CADM2: variants seen among roughly 807,000 people sequenced by gnomAD.
CADM2 encodes cell adhesion molecule 2.
In CADM2, 12 loss-of-function variants were observed where a neutral mutation model predicts 49.8. That is an observed-to-expected ratio of 0.24 (90% CI 0.15 to 0.39). CADM2 has a LOEUF of 0.39. Ranked by LOEUF, CADM2 falls within the 10% of genes least tolerant of loss-of-function variation. The pLI, the probability that CADM2 is intolerant of heterozygous loss-of-function variation, is 1.00. For synonymous variants in CADM2, 214 were observed against 175.4 expected, an observed-to-expected ratio of 1.22 and a Z score of -1.74; for missense variants, 378 against 492.3, an observed-to-expected ratio of 0.77 and a Z score of 2.20.
intron 1 of CADM2, among the ~76,000 whole-genome samples, chr3:85,642,904 C>A (rs2064764807): frequency 6.6e-6 from 1 of 152,282 alleles, no homozygotes; most frequent in South Asian, 2.1e-4. Flanking sequence ...AAAACCAACT[C>A]ATCTGCCTCA....
intron 1 of CADM2, among the ~76,000 whole-genome samples, chr3:85,475,222 A>T (rs1283925725): frequency 6.6e-6 from 1 of 151,924 alleles, no homozygotes; most frequent in Non-Finnish European, 1.5e-5. Flanking sequence ...TACAAATTAG[A>T]TAATTGAGGT....
intron 1 of CADM2, among the ~76,000 whole-genome samples, chr3:85,207,444 A>G (rs1052743170): frequency 6.6e-6 from 1 of 152,154 alleles, no homozygotes. Flanking sequence ...TTTTGCATAT[A>G]TATTTATAAT....
chr3:85,563,853 C>T (rs1420281452), intron 1 of CADM2, among the ~76,000 whole-genome samples: 1 of 152,056 alleles, frequency 6.6e-6, no homozygotes, highest in African/African-American at 2.4e-5. Context: ...AGTTGGGGAC[C>T]TCCCTGATTG....
intron 1 of CADM2, among the ~76,000 whole-genome samples, chr3:85,457,220 C>G (rs1180335302): frequency 6.6e-6 from 1 of 152,016 alleles, no homozygotes; most frequent in Non-Finnish European, 1.5e-5. Context: ...TGGTACCAGT[C>G]TGGGCAACAT....
intron 1 of CADM2, among the ~76,000 whole-genome samples, chr3:85,077,987 C>A (rs1256567071): frequency 6.6e-6 from 1 of 151,952 alleles, no homozygotes. Context: ...ATTAAAATAA[C>A]CTTTATAACT....
intron 8 of CADM2, among the ~76,000 whole-genome samples, chr3:85,962,492 T>C (rs565038896): frequency 3.6e-5 from 5 of 139,510 alleles, no homozygotes; most frequent in Non-Finnish European, 7.9e-5. Flanking sequence ...TGAGTAAATA[T>C]AACAAAATCA....
Position 85,188,751 on chromosome 3 carries a change from G to T in CADM2, c.61+229083G>T, listed in dbSNP as rs189832875. 8.9e-4 allele frequency among the ~76,000 whole-genome samples: 135 copies of T among 152,094 alleles called. No individual in the cohort carries two copies. In the East Asian group the frequency reaches 0.014, roughly 15 times the overall value. ...TAAGTACTTTAAAAATGAAGAGCAG[G>T]CCAGGCGCAGTGGCTCACACCTGTA... On this transcript the variant is annotated intron_variant, in intron 1 of 9. Coordinates refer to ENST00000383699, the MANE Select transcript of CADM2 (RefSeq NM_001167675.2).
At chr3:85,281,460 C>T (rs967412527) in intron 1 of CADM2, among the ~76,000 whole-genome samples, 3 of 151,992 alleles carry the variant, frequency 2.0e-5, no homozygotes, top group African/African-American at 7.2e-5. Context: ...AATATTATTT[C>T]AATTTTTTTA....
intron 1 of CADM2, among the ~76,000 whole-genome samples, chr3:85,245,001 C>T (rs1171645529): frequency 1.3e-5 from 2 of 152,078 alleles, no homozygotes; most frequent in African/African-American, 2.4e-5. Context: ...TACAGTATTA[C>T]TCTCAAGTCA....
intron 1 of CADM2, among the ~76,000 whole-genome samples, chr3:85,077,748 CTG>C (rs1396934057): frequency 6.6e-6 from 1 of 151,790 alleles, no homozygotes; most frequent in African/African-American, 2.4e-5. Flanking sequence ...TGACATAAAA[CTG>C]TATAAAGAAA....
At chr3:85,453,260 A>AT (rs1369244945) in intron 1 of CADM2, among the ~76,000 whole-genome samples, 1 of 152,080 alleles carries the variant, frequency 6.6e-6, no homozygotes, top group Admixed American at 6.6e-5. Context: ...AAATAAATGC[A>AT]TAGTATAATA....
At chr3:85,487,164 C>T (rs2077839) in intron 1 of CADM2, among the ~76,000 whole-genome samples, 90,500 of 152,044 alleles carry the variant, frequency 0.6, 28,384 homozygotes, top group East Asian at 0.93. Context: ...GGCTTCCAAG[C>T]ATTCTGATTT....
At chr3:85,059,762 G>A (rs145330983) in intron 1 of CADM2, among the ~76,000 whole-genome samples, 2 of 152,226 alleles carry the variant, frequency 1.3e-5, no homozygotes, top group African/African-American at 4.8e-5. Context: ...TTCATCTTCT[G>A]CCACAATTGT....
chr3:86,004,363 A>G (rs1030893198), intron 8 of CADM2, among the ~76,000 whole-genome samples: 3 of 152,194 alleles, frequency 2.0e-5, no homozygotes, highest in African/African-American at 4.8e-5. Context: ...ATCACAGGAT[A>G]GTAGCTCATG....
chr3:85,818,420 T>G (rs2073351535), intron 3 of CADM2, among the ~76,000 whole-genome samples: 1 of 152,152 alleles, frequency 6.6e-6, no homozygotes, highest in African/African-American at 2.4e-5. Context: ...CGCTGGTGCT[T>G]GACACTGGCA....
rs566170202 is a variant in CADM2 at position 85,779,269 on chromosome 3, T to G, written c.89-22778T>G. 4.5e-4 allele frequency among the ~76,000 whole-genome samples: 68 copies of G among 152,228 alleles called. 1 individual carries two copies. Among genetic ancestry groups the G allele is most frequent in the African/African-American group, 1.5e-3 (63 of 41,546 alleles). Reference sequence around the variant, plus strand: ...AAAATAAAGTTTATTTTTACACAACTTTATATTTGTAAAGCTACTCTTTAA... The same window carrying G: ...AAAATAAAGTTTATTTTTACACAACGTTATATTTGTAAAGCTACTCTTTAA... On this transcript the variant is annotated intron_variant, in intron 2 of 9. Coordinates refer to ENST00000383699, the MANE Select transcript of CADM2 (RefSeq NM_001167675.2).
In CADM2 at chr3:85,248,133, T is replaced by C. The variant is rs538291063; in HGVS notation, c.61+288465T>C. On this transcript the variant is annotated intron_variant, in intron 1 of 9. Transcript: ENST00000383699. ...ACCTGAAGTATCATTTAAAATGATA[T>C]TTAAAATATTTGGTATTAATTATAA... Among the ~76,000 whole-genome samples, 19 of 152,286 alleles carry C rather than the reference T, an allele frequency of 1.2e-4. No individual in the cohort carries two copies. In the East Asian group the frequency reaches 3.5e-3, roughly 28 times the overall value.
At position 85,986,264 on chromosome 3, in the gene CADM2, A is replaced by G. The variant is rs184396364; in HGVS notation, c.970+24617A>G. Among the ~76,000 whole-genome samples the G allele has an allele frequency of 3.6e-3, 550 of 152,190 alleles. 4 individuals carry two copies. Among genetic ancestry groups the G allele is most frequent in the African/African-American group, 0.012 (512 of 41,566 alleles). ...AAATAAAGAAACATCAGAATAAAAG[A>G]AAAAGCATTCCAGTACTGAGGGAAA... is the stretch of plus-strand genomic sequence containing the variant. On this transcript the variant is annotated intron_variant, in intron 8 of 9. Transcript: ENST00000383699.
intron 1 of CADM2, among the ~76,000 whole-genome samples, chr3:85,404,771 G>A (rs1008569222): frequency 6.6e-6 from 1 of 152,198 alleles, no homozygotes; most frequent in African/African-American, 2.4e-5. Context: ...ATTTATAAAT[G>A]TAAAAAATTT....
Sources: allele counts gnomAD v4.1 joint callset (sites outside exome capture counted in the v4.1 genomes callset), GRCh38; gene constraint gnomAD v4.1.1; transcripts MANE v1.5; gene names NCBI Gene and HGNC (gene_info 2026-07-23, HGNC 2026-07-21).